Variants in HIRA observed in about 807,000 individuals in gnomAD.
HIRA encodes protein HIRA.
Under a neutral mutation model 126.6 loss-of-function variants are expected in HIRA, and 13 were observed. That is an observed-to-expected ratio of 0.10 (90% confidence interval 0.07 to 0.16). The LOEUF is 0.16. Among genes scored for constraint, HIRA ranks in the 10% least tolerant of loss-of-function variants. The pLI, the probability that HIRA is intolerant of heterozygous loss-of-function variation, is 1.00. For synonymous variants in HIRA, 511 were observed against 520.0 expected (o/e 0.98, Z 0.24); for missense variants, 834 against 1,314.4 (o/e 0.63, Z 5.65).
At position 19,353,372 on chromosome 22, in the gene HIRA, C is replaced by T; in HGVS notation, c.2832G>A (p.Arg944=). 2 of 1,612,810 alleles carry T rather than the reference C, an allele frequency of 1.2e-6. No homozygotes were observed. Among genetic ancestry groups the T allele is most frequent in the Non-Finnish European group, 8.5e-7 (1 of 1,180,012 alleles). ...GAGCCTCACCTTCGTTTACGAGGTACCGTGCGTAGACGAGGAGCCAATGGC... is the reference window on the plus strand; with the variant it reads ...GAGCCTCACCTTCGTTTACGAGGTATCGTGCGTAGACGAGGAGCCAATGGC... The part of the protein sequence containing the change: ...EYRHWLLVYA[R]YLVNEGFEYR... Residue 944 remains arginine, a synonymous_variant, in exon 23 of 25, where the codon CGG becomes CGA. Transcript: ENST00000263208.
At chr22:19,370,727 G>C (rs971941067) in intron 15 of HIRA, among the ~76,000 whole-genome samples, 12 of 152,278 alleles carry the variant, frequency 7.9e-5, no homozygotes, top group African/African-American at 2.6e-4. Context: ...TCAGCACCAG[G>C]CTCCTAGAAG....
intron 24 of HIRA, among the ~76,000 whole-genome samples, chr22:19,335,720 T>C (rs539488134): frequency 1.4e-4 from 21 of 152,336 alleles, no homozygotes; most frequent in Non-Finnish European, 1.9e-4. Flanking sequence ...TGTATCTGTT[T>C]TGTCTTCTCT....
rs1318041158 is a variant in HIRA, at chr22:19,412,158, T to C, written c.38-1380A>G. ...GAGTCTAGCAGTTCAACTTTGGCTCTCTGGAGAAACCTAGTTGTCATGTGA... is the reference window on the plus strand; with the variant it reads ...GAGTCTAGCAGTTCAACTTTGGCTCCCTGGAGAAACCTAGTTGTCATGTGA... On this transcript the variant is annotated intron_variant, in intron 1 of 24. Transcript: ENST00000263208. Among the ~76,000 whole-genome samples, 4 of 152,314 alleles carry C rather than the reference T, an allele frequency of 2.6e-5. No individual in the cohort carries two copies. The East Asian group carries it at 7.7e-4, about 29-fold the overall frequency.
At chr22:19,405,026 G>T (rs1424188477) in intron 5 of HIRA, among the ~76,000 whole-genome samples, 1 of 152,150 alleles carries the variant, frequency 6.6e-6, no homozygotes, top group Non-Finnish European at 1.5e-5. Context: ...TCTCTTCCAT[G>T]ACAAGGGACT....
Position 19,331,409 on chromosome 22 carries a change from C to G in HIRA, c.*31G>C, listed in dbSNP as rs565246527. ...ATCAGCGGCGAGAGTGTGGCCCTGC[C>G]CTTGCTGCAGCCAGGGCAGGCTGGG... On this transcript the variant is annotated 3_prime_UTR_variant, in exon 25 of 25. Transcript: ENST00000263208. 6.2e-7 allele frequency: 1 copy of G among 1,613,388 alleles called. No individual in the cohort carries two copies. The highest frequency in any genetic ancestry group is 2.2e-5 in the East Asian group (1 of 44,868).
chr22:19,405,469 A>G (rs1383035681), intron 5 of HIRA: 3 of 985,064 alleles, frequency 3.0e-6, no homozygotes, highest in Non-Finnish European at 3.6e-6. Context: ...TTACGGACTT[A>G]GTGATCCGCT....
In HIRA at chr22:19,356,919, C is replaced by A. The variant is rs781901766; in HGVS notation, c.2367G>T (p.Ala789=). 1.9e-6 allele frequency: 3 copies of A among 1,613,710 alleles called. No homozygotes were observed. Among genetic ancestry groups the A allele is most frequent in the Admixed American group, 3.3e-5 (2 of 60,006 alleles). Residue 789 remains alanine, a synonymous_variant, in exon 19 of 25, where the codon GCG becomes GCT. Coordinates refer to ENST00000263208, the MANE Select transcript of HIRA (RefSeq NM_003325.4). The part of the protein sequence containing the change: ...TLHCTGSYVM[A]LTAAATLSVW... ...CAGAGAGTGTGGCTGCAGCGGTGAG[C>A]GCCATGACGTAGGAGCCTGTGCAAT... is the stretch of plus-strand genomic sequence containing the variant.
intron 15 of HIRA, among the ~76,000 whole-genome samples, chr22:19,373,861 T>C (rs2088990587): frequency 7.5e-6 from 1 of 133,562 alleles, no homozygotes; most frequent in African/African-American, 2.5e-5. Flanking sequence ...GATGTGGTCA[T>C]TAAAACTCAA....
intron 24 of HIRA, among the ~76,000 whole-genome samples, chr22:19,343,912 A>ATGTT (rs2088659626): frequency 6.9e-6 from 1 of 144,060 alleles, no homozygotes; most frequent in African/African-American, 2.5e-5. Context: ...GAGTCTTGCT[A>ATGTT]TGTTGCTCAG....
chr22:19,402,957 G>A (rs1351261209), intron 5 of HIRA, among the ~76,000 whole-genome samples: 1 of 151,702 alleles, frequency 6.6e-6, no homozygotes, highest in African/African-American at 2.4e-5. Context: ...AAAAAAATCA[G>A]CCAGGTATGG....
In HIRA at chr22:19,408,503, C is replaced by T. The variant is rs770994476; in HGVS notation, c.191G>A (p.Cys64Tyr). 1 of 1,611,902 alleles carries T rather than the reference C, an allele frequency of 6.2e-7. No homozygotes were observed. The highest frequency in any genetic ancestry group is 8.5e-7 in the Non-Finnish European group (1 of 1,177,954). Reference protein sequence around the residue: ...EKDENIPKMLCQMDNHLACVN... With the variant: ...EKDENIPKMLYQMDNHLACVN... ...AATACCTAAGTGATTGTCCATCTGGCAAAGCATCTTGGGAATATTTTCATC... is the reference window on the plus strand; with the variant it reads ...AATACCTAAGTGATTGTCCATCTGGTAAAGCATCTTGGGAATATTTTCATC... The change falls in exon 3 of 25, where the codon TGC (cysteine) becomes TAC (tyrosine). Residue 64 changes from cysteine to tyrosine, a missense_variant. Physicochemically the swap from Cys to Tyr is radical, Grantham distance 194. This residue lies in a region of HIRA where 102 missense variants were observed against 191.4 expected (regional missense o/e 0.53). Transcript: ENST00000263208.
chr22:19,363,972 C>T (rs575842985), intron 15 of HIRA, among the ~76,000 whole-genome samples: 21 of 152,132 alleles, frequency 1.4e-4, no homozygotes, highest in Non-Finnish European at 2.6e-4. Flanking sequence ...TTGGTTAAAC[C>T]CGTAAAACGT....
At chr22:19,355,893 G>A (rs1291534411) in intron 20 of HIRA, 28 bp from the exon 21 acceptor site, 30 of 1,480,786 alleles carry the variant, frequency 2.0e-5, no homozygotes, top group Non-Finnish European at 2.8e-5. Flanking sequence ...ATGAGTTCTG[G>A]GTGTGCTCTG....
intron 5 of HIRA, among the ~76,000 whole-genome samples, chr22:19,402,263 T>C (rs771870574): frequency 6.6e-6 from 1 of 152,248 alleles, no homozygotes; most frequent in African/African-American, 2.4e-5. Flanking sequence ...TGTGGACAAG[T>C]AAATATTAAT....
chr22:19,426,166 C>A (rs1284119065), intron 1 of HIRA, among the ~76,000 whole-genome samples: 1 of 152,188 alleles, frequency 6.6e-6, no homozygotes, highest in Non-Finnish European at 1.5e-5. Flanking sequence ...CTGTGATCTC[C>A]CTGTCTCCCT....
intron 2 of HIRA, among the ~76,000 whole-genome samples, 187 bp from the exon 3 acceptor site, chr22:19,408,780 C>T (rs774703004): frequency 4.6e-5 from 7 of 152,120 alleles, no homozygotes; most frequent in Middle Eastern, 3.2e-3. Flanking sequence ...CTCATGGGGA[C>T]GAAACGGAGC....
intron 24 of HIRA, among the ~76,000 whole-genome samples, chr22:19,342,549 G>T (rs570424515): frequency 4.6e-5 from 7 of 152,282 alleles, no homozygotes; most frequent in Non-Finnish European, 1.0e-4. Context: ...ACCATGGTTG[G>T]CTAATTTTTT....
intron 24 of HIRA, among the ~76,000 whole-genome samples, chr22:19,344,000 C>T (rs1556008245): frequency 6.6e-6 from 1 of 151,996 alleles, no homozygotes; most frequent in African/African-American, 2.4e-5. Context: ...GTGTGAGCCA[C>T]CACGCCTGGC....
rs145245106 is a variant in HIRA, at chr22:19,392,508, C to T, written c.823-294G>A. On this transcript the variant is annotated intron_variant, in intron 8 of 24. Coordinates refer to ENST00000263208, the MANE Select transcript of HIRA (RefSeq NM_003325.4). The stretch of plus-strand genomic sequence containing the variant: ...TGGAGCTTGCCAAGTAGAAGGGATG[C>T]GTAGCTACTGAAACTAGCCTTCTCA... Among the ~76,000 whole-genome samples, 11 of 152,330 alleles carry T rather than the reference C, an allele frequency of 7.2e-5. No individual in the cohort carries two copies. In the East Asian group the frequency reaches 2.1e-3, roughly 29 times the overall value.
Sources: gnomAD v4.1 joint callset for allele counts (sites outside exome capture counted in the v4.1 genomes callset) on GRCh38, gnomAD v4.1.1 for gene constraint, gnomAD v4.1.1 regional missense constraint, MANE v1.5 for transcripts, NCBI Gene and HGNC (gene_info 2026-07-23, HGNC 2026-07-21) for gene names.